Variants in ASTN2 observed in about 807,000 individuals in gnomAD.
The protein encoded by ASTN2 is astrotactin-2.
ASTN2 carries 54 observed loss-of-function variants against 139.8 expected under a neutral mutation model. The observed-to-expected ratio is 0.39, with a 90% confidence interval of 0.31 to 0.48. The LOEUF is 0.48. ASTN2 is among the 20% of genes least tolerant of loss of function. The probability of loss-of-function intolerance (pLI) is 0.95; values close to 1 mark genes in which losing one functional copy is unlikely to be tolerated. For missense variants in ASTN2, 1,565 were observed against 1,725.1 expected (o/e 0.91, Z 1.64); for synonymous variants, 756 against 719.5 (o/e 1.05, Z -0.81).
chr9:116,462,788 A>ATGTGTG lies in ASTN2; in HGVS notation c.3498-20241_3498-20236dup, dbSNP rs55926547. 5.6e-3 allele frequency among the ~76,000 whole-genome samples: 824 copies of ATGTGTG among 146,166 alleles called. 6 individuals are homozygous for ATGTGTG. The highest frequency in any genetic ancestry group is 0.02 in the African/African-American group (765 of 38,818). The stretch of plus-strand genomic sequence containing the variant: ...CTTTAAGGGTAAGTGTTGGGTGAGC[A>ATGTGTG]TGTGTGTGTGTGTGTGTGTGTGTGT... On this transcript the variant is annotated intron_variant, in intron 20 of 22. Coordinates refer to ENST00000313400, the MANE Select transcript of ASTN2 (RefSeq NM_001365068.1).
intron 2 of ASTN2, among the ~76,000 whole-genome samples, chr9:117,266,582 G>A (rs975689890): frequency 3.3e-5 from 5 of 152,160 alleles, no homozygotes; most frequent in Non-Finnish European, 5.9e-5. Flanking sequence ...AGCATGGTAC[G>A]TCCCTTTTCT....
intron 11 of ASTN2, among the ~76,000 whole-genome samples, chr9:116,841,269 C>A (rs1035561826): frequency 6.6e-5 from 10 of 152,044 alleles, no homozygotes; most frequent in Admixed American, 6.5e-5. Flanking sequence ...CGCAGGCACT[C>A]GGCAAGCTGA....
intron 1 of ASTN2, among the ~76,000 whole-genome samples, chr9:117,350,228 C>T (rs1829344404): frequency 6.6e-6 from 1 of 152,064 alleles, no homozygotes; most frequent in Non-Finnish European, 1.5e-5. Flanking sequence ...ATTAATTACT[C>T]CTGCAAGAAA....
intron 2 of ASTN2, among the ~76,000 whole-genome samples, chr9:117,281,227 C>T: frequency 6.6e-6 from 1 of 152,164 alleles, no homozygotes. Flanking sequence ...CTTATTCCTC[C>T]CCTCAGCCCC....
chr9:117,293,324 G>T (rs1290984223), intron 1 of ASTN2, among the ~76,000 whole-genome samples: 1 of 152,088 alleles, frequency 6.6e-6, no homozygotes, highest in Non-Finnish European at 1.5e-5. Context: ...TCTATTCTCA[G>T]CCAGGAGCCA....
chr9:116,837,367 GAAGACTCTGAGCCC>G (rs1832034122), intron 11 of ASTN2, among the ~76,000 whole-genome samples: 1 of 152,152 alleles, frequency 6.6e-6, no homozygotes, highest in South Asian at 2.1e-4. Flanking sequence ...GGACTCATAG[GAAGACTCTGAGCCC>G]AAGTCTCTGA....
intron 17 of ASTN2, among the ~76,000 whole-genome samples, chr9:116,640,688 G>A (rs760829195): frequency 2.0e-5 from 3 of 152,208 alleles, no homozygotes; most frequent in East Asian, 1.9e-4. Flanking sequence ...AGCAGCCCCT[G>A]AGCACCATGG....
chr9:116,492,972 A>G (rs918510505), intron 19 of ASTN2, among the ~76,000 whole-genome samples: 6 of 152,296 alleles, frequency 3.9e-5, no homozygotes, highest in African/African-American at 1.4e-4. Flanking sequence ...AGTTTGATCT[A>G]TTTTATATAC....
intron 1 of ASTN2, among the ~76,000 whole-genome samples, chr9:117,380,694 G>C (rs1830247283): frequency 6.6e-6 from 1 of 152,068 alleles, no homozygotes; most frequent in Non-Finnish European, 1.5e-5. Context: ...GGGTCTAAAG[G>C]ATAGGTAAGC....
At chr9:116,982,211 C>T (rs113249418) in intron 7 of ASTN2, among the ~76,000 whole-genome samples, 3,516 of 152,258 alleles carry the variant, frequency 0.023, 151 homozygotes, top group African/African-American at 0.081. Flanking sequence ...AATCCTGGAT[C>T]TGCCTGCCAC....
At chr9:116,497,761 C>T (rs776575013) in intron 19 of ASTN2, among the ~76,000 whole-genome samples, 16 of 152,070 alleles carry the variant, frequency 1.1e-4, no homozygotes, top group Non-Finnish European at 1.9e-4. Flanking sequence ...AGTTCTCCTC[C>T]CCCCCAATCA....
chr9:117,037,880 A>C (rs1001204798), intron 6 of ASTN2, among the ~76,000 whole-genome samples: 1 of 151,954 alleles, frequency 6.6e-6, no homozygotes, highest in African/African-American at 2.4e-5. Context: ...TGCTTCTGTA[A>C]ATTTTGTTCC....
At chr9:117,202,396 T>C (rs548770147) in intron 3 of ASTN2, among the ~76,000 whole-genome samples, 1 of 152,294 alleles carries the variant, frequency 6.6e-6, no homozygotes, top group African/African-American at 2.4e-5. Flanking sequence ...TGCTATTTGG[T>C]TATTTTGCAC....
chr9:116,882,721 G>A (rs188153487), intron 10 of ASTN2, among the ~76,000 whole-genome samples: 2 of 152,204 alleles, frequency 1.3e-5, no homozygotes, highest in East Asian at 3.9e-4. Context: ...CAGCACTCTG[G>A]GAGGCCAAGG....
intron 19 of ASTN2, chr9:116,612,783 G>A (rs1855615174): frequency 6.6e-6 from 1 of 151,454 alleles, no homozygotes; most frequent in African/African-American, 2.4e-5. Context: ...ATCTGAAACT[G>A]ACACCCTAAC....
chr9:117,380,868 C>T (rs112898768), intron 1 of ASTN2, among the ~76,000 whole-genome samples: 1 of 152,124 alleles, frequency 6.6e-6, no homozygotes, highest in East Asian at 1.9e-4. Context: ...AAAACTTAAA[C>T]AGAATTACCA....
rs570487183 is a variant in ASTN2 at position 117,237,564 on chromosome 9, C to T, written c.631-22822G>A. On this transcript the variant is annotated intron_variant, in intron 2 of 22. Coordinates refer to ENST00000313400, the MANE Select transcript of ASTN2 (RefSeq NM_001365068.1). ...GTGTGATCTCAGCTCACTGTAACCT[C>T]CACCTCCCAGGTTCAAGCAATTCTC... 3.7e-4 allele frequency among the ~76,000 whole-genome samples: 56 copies of T among 152,190 alleles called. 1 individual carries two copies. The highest frequency in any genetic ancestry group is 3.6e-3 in the Admixed American group (55 of 15,282).
At chr9:117,232,709 AG>A (rs1233011557) in intron 2 of ASTN2, among the ~76,000 whole-genome samples, 2 of 152,224 alleles carry the variant, frequency 1.3e-5, no homozygotes, top group African/African-American at 2.4e-5. Context: ...CTGGGTCCAA[AG>A]AATGTTCTCA....
chr9:117,034,795 G>A (rs1343732537), intron 6 of ASTN2, among the ~76,000 whole-genome samples: 1 of 152,138 alleles, frequency 6.6e-6, no homozygotes, highest in Non-Finnish European at 1.5e-5. Context: ...CATTTCTTCA[G>A]TGTGTGCTTA....
Sources: allele counts gnomAD v4.1 joint callset (sites outside exome capture counted in the v4.1 genomes callset), GRCh38; gene constraint gnomAD v4.1.1; transcripts MANE v1.5; gene names NCBI Gene and HGNC (gene_info 2026-07-23, HGNC 2026-07-21).